The following GRM3 variants were observed in gnomAD, a reference collection of about 807,000 sequenced individuals.
GRM3 encodes metabotropic glutamate receptor 3.
A neutral mutation model predicts 70.5 loss-of-function variants in GRM3; 26 were observed. That is an observed-to-expected ratio of 0.37 (90% confidence interval 0.27 to 0.51). The LOEUF (loss-of-function observed/expected upper bound fraction) is 0.51. Ranked by LOEUF, GRM3 falls within the 20% of genes least tolerant of loss-of-function variation. The pLI is 0.93. For synonymous variants in GRM3, 443 were observed against 434.9 expected, an observed-to-expected ratio of 1.02 and a Z score of -0.23; for missense variants, 859 against 1,123.8, an observed-to-expected ratio of 0.76 and a Z score of 3.37.
intron 1 of GRM3, among the ~76,000 whole-genome samples, chr7:86,752,848 GC>G (rs1410465260): frequency 1.3e-5 from 2 of 152,038 alleles, no homozygotes; most frequent in Non-Finnish European, 2.9e-5. Flanking sequence ...GACGTGCCCA[GC>G]CCCCTTCTAA....
intron 1 of GRM3, among the ~76,000 whole-genome samples, chr7:86,660,732 A>G (rs1043352290): frequency 1.3e-5 from 2 of 152,026 alleles, no homozygotes; most frequent in Non-Finnish European, 2.9e-5. Context: ...TTTGAAGATT[A>G]ATCATGATGC....
intron 3 of GRM3, among the ~76,000 whole-genome samples, chr7:86,823,977 G>C (rs1265697194): frequency 6.6e-6 from 1 of 152,156 alleles, no homozygotes. Flanking sequence ...GGGAGAGAGA[G>C]CCTGGAGCAG....
intron 3 of GRM3, among the ~76,000 whole-genome samples, chr7:86,830,788 T>C (rs1025032491): frequency 6.6e-6 from 1 of 152,206 alleles, no homozygotes; most frequent in African/African-American, 2.4e-5. Context: ...TCTCACAATA[T>C]GACCTTATTT....
chr7:86,773,004 A>G (rs1371807845), intron 2 of GRM3, among the ~76,000 whole-genome samples: 1 of 151,790 alleles, frequency 6.6e-6, no homozygotes, highest in South Asian at 2.1e-4. Context: ...TACGATTTCA[A>G]CGTTTATTTT....
intron 1 of GRM3, among the ~76,000 whole-genome samples, chr7:86,719,884 C>T (rs1361845678): frequency 6.6e-6 from 1 of 151,892 alleles, no homozygotes; most frequent in African/African-American, 2.4e-5. Context: ...GACTGAGGTC[C>T]TGATGTGTGA....
chr7:86,726,489 G>T (rs1204403382), intron 1 of GRM3, among the ~76,000 whole-genome samples: 2 of 152,090 alleles, frequency 1.3e-5, no homozygotes, highest in African/African-American at 4.8e-5. Flanking sequence ...ACTGTTTCAT[G>T]AATTCAGTTC....
At chr7:86,722,176 A>G (rs1378459930) in intron 1 of GRM3, among the ~76,000 whole-genome samples, 1 of 152,098 alleles carries the variant, frequency 6.6e-6, no homozygotes, top group Non-Finnish European at 1.5e-5. Flanking sequence ...ACTTTGATTC[A>G]TTATATCTTG....
chr7:86,786,892 G>A lies in GRM3; in HGVS notation c.1100G>A (p.Arg367His), dbSNP rs377667772. The A allele has an allele frequency of 1.7e-5, 27 of 1,614,050 alleles. No individual in the cohort carries two copies. Among genetic ancestry groups the A allele is most frequent in the Non-Finnish European group, 2.1e-5 (25 of 1,180,018 alleles). ...TTTCAGTGCAGCCTCCAGAACAAAC[G>A]CAACCACAGGCGCGTCTGCGACAAG... ...QKFQCSLQNK[R>H]NHRRVCDKHL... Residue 367 changes from arginine to histidine, a missense_variant, in exon 3 of 6, where the codon CGC (arginine) becomes CAC (histidine). Physicochemically the swap from Arg to His is conservative, Grantham distance 29. Coordinates refer to ENST00000361669, the MANE Select transcript of GRM3 (RefSeq NM_000840.3). The surrounding 1 kb of genome is among the most constrained non-coding windows in gnomAD (Gnocchi z 6.0).
At chr7:86,859,347 T>C (rs754839338) in intron 5 of GRM3, among the ~76,000 whole-genome samples, 1 of 152,206 alleles carries the variant, frequency 6.6e-6, no homozygotes, top group Non-Finnish European at 1.5e-5. Context: ...TGGGTAGTAG[T>C]AGTGTCTTCA....
rs549763415 is a variant in GRM3 at position 86,839,842 on chromosome 7, C to T, written c.2328C>T (p.Tyr776=). ...NEAKFIGFTM[Y]TTCIIWLAFL... The stretch of plus-strand genomic sequence containing the variant: ...CTAAGTTCATAGGTTTTACCATGTA[C>T]ACCACGTGCATCATCTGGTTGGCCT... Residue 776 remains tyrosine (Y), a synonymous_variant, in exon 4 of 6, where the codon TAC becomes TAT. Coordinates refer to ENST00000361669, the MANE Select transcript of GRM3 (RefSeq NM_000840.3). This position sits in a 1 kb window ranked among gnomAD's most constrained non-coding sequence, Gnocchi z 4.5. The T allele has an allele frequency of 1.3e-5, 21 of 1,613,886 alleles. 1 individual carries two copies. In the South Asian group the frequency reaches 2.3e-4, roughly 18 times the overall value.
At chr7:86,833,424 A>G (rs1445341261) in intron 3 of GRM3, among the ~76,000 whole-genome samples, 2 of 152,134 alleles carry the variant, frequency 1.3e-5, no homozygotes, top group Non-Finnish European at 2.9e-5. Flanking sequence ...TAAAGAAAAA[A>G]AAGAACTATA....
chr7:86,795,369 T>A, intron 3 of GRM3, among the ~76,000 whole-genome samples: 1 of 151,822 alleles, frequency 6.6e-6, no homozygotes, highest in African/African-American at 2.4e-5. Context: ...CAGGTAAACA[T>A]GTGCCATGGT....
chr7:86,805,750 T>G (rs1334836925), intron 3 of GRM3, among the ~76,000 whole-genome samples: 2 of 152,318 alleles, frequency 1.3e-5, no homozygotes, highest in East Asian at 3.9e-4. Flanking sequence ...TCATATCTTT[T>G]TTATTATTAT....
rs1798047373 is a variant in GRM3 at position 86,817,927 on chromosome 7, C to G, written c.1325-20912C>G. Among the ~76,000 whole-genome samples, 4 of 152,128 alleles carry G rather than the reference C, an allele frequency of 2.6e-5. No individual in the cohort carries two copies. In the South Asian group the frequency reaches 8.3e-4, roughly 32 times the overall value. ...CTAGAGGCAGAAAGAGAATTTGAAT[C>G]TACTGCAGTAGATCAATGCAATACA... On this transcript the variant is annotated intron_variant, in intron 3 of 5. Coordinates refer to ENST00000361669, the MANE Select transcript of GRM3 (RefSeq NM_000840.3).
chr7:86,724,314 G>T (rs1362276766), intron 1 of GRM3, among the ~76,000 whole-genome samples: 1 of 152,112 alleles, frequency 6.6e-6, no homozygotes, highest in Non-Finnish European at 1.5e-5. Flanking sequence ...AGGAGTGCCT[G>T]GGAAAGGGCT....
At chr7:86,666,395 C>CTTAA (rs1450362263) in intron 1 of GRM3, among the ~76,000 whole-genome samples, 1 of 152,004 alleles carries the variant, frequency 6.6e-6, no homozygotes, top group Non-Finnish European at 1.5e-5. Context: ...GATTAACATA[C>CTTAA]TTAACCTTAA....
At chr7:86,703,516 G>A (rs1562831491) in intron 1 of GRM3, among the ~76,000 whole-genome samples, 1 of 151,966 alleles carries the variant, frequency 6.6e-6, no homozygotes, top group African/African-American at 2.4e-5. Flanking sequence ...GAGTGTGTTA[G>A]TGTCTAAGTA....
rs1400672952 is a variant in GRM3 at position 86,829,864 on chromosome 7, G to A, written c.1325-8975G>A. ...GTGAGAGCATGCTGTTGGAAAAATG[G>A]TACTGATAGACTTGTTCGATGCAGG... On this transcript the variant is annotated intron_variant, in intron 3 of 5. Coordinates refer to ENST00000361669, the MANE Select transcript of GRM3 (RefSeq NM_000840.3). 2.6e-5 allele frequency among the ~76,000 whole-genome samples: 4 copies of A among 152,150 alleles called. No individual in the cohort carries two copies. The East Asian group carries it at 7.7e-4, about 29-fold the overall frequency.
At position 86,786,964 on chromosome 7, in the gene GRM3, T is replaced by C; in HGVS notation, c.1172T>C (p.Met391Thr). 2.5e-6 allele frequency: 4 copies of C among 1,614,202 alleles called. No homozygotes were observed. In the South Asian group the frequency reaches 4.4e-5, roughly 18 times the overall value. Residue 391 changes from methionine (M) to threonine (T), a missense_variant, in exon 3 of 6, where the codon ATG (methionine) becomes ACG (threonine). Met to Thr is a moderately conservative substitution (Grantham distance 81). Transcript: ENST00000361669. The surrounding 1 kb of genome is among the most constrained non-coding windows in gnomAD (Gnocchi z 6.0). ...AACTACGAGCAAGAGTCCAAGATCATGTTTGTGGTGAACGCGGTGTATGCC... is the reference window on the plus strand; with the variant it reads ...AACTACGAGCAAGAGTCCAAGATCACGTTTGTGGTGAACGCGGTGTATGCC... ...SSNYEQESKI[M>T]FVVNAVYAMA... is the part of the protein sequence containing the mutation.
Sources: allele counts gnomAD v4.1 joint callset (sites outside exome capture counted in the v4.1 genomes callset), GRCh38; gene constraint gnomAD v4.1.1; non-coding constraint Gnocchi (gnomAD v3.1); transcripts MANE v1.5; gene names NCBI Gene and HGNC (gene_info 2026-07-23, HGNC 2026-07-21).